CD247: variants seen among roughly 807,000 people sequenced by gnomAD.
The protein encoded by CD247 is CD247 molecule, also known as T-cell surface glycoprotein CD3 zeta chain.
In CD247, 13 loss-of-function variants were observed where a neutral mutation model predicts 30.0. That is an observed-to-expected ratio of 0.43 (90% CI 0.28 to 0.69). CD247 has a LOEUF of 0.69. Among genes scored for constraint, CD247 ranks in the 30% least tolerant of loss-of-function variants. CD247 has a pLI of 0.16. For synonymous variants in CD247, 72 were observed against 80.0 expected, an observed-to-expected ratio of 0.90 and a Z score of 0.53; for missense variants, 193 against 212.6, an observed-to-expected ratio of 0.91 and a Z score of 0.57.
chr1:167,461,619 G>A (rs1653009881), intron 1 of CD247, among the ~76,000 whole-genome samples: 1 of 152,214 alleles, frequency 6.6e-6, no homozygotes, highest in Admixed American at 6.5e-5. Context: ...GGAGGCCCAG[G>A]CGGGCGGATC....
intron 5 of CD247, 156 bp from the exon 6 acceptor site, chr1:167,434,232 T>A (rs1353775921): frequency 2.7e-6 from 2 of 729,112 alleles, no homozygotes; most frequent in Non-Finnish European, 2.5e-6. Context: ...CACACAAACT[T>A]CTCTGCCCAC....
chr1:167,482,154 C>T (rs2102065064), intron 1 of CD247, among the ~76,000 whole-genome samples: 1 of 152,280 alleles, frequency 6.6e-6, no homozygotes, highest in East Asian at 1.9e-4. Context: ...TGAGGATGAC[C>T]ATGAACCCAC....
chr1:167,469,312 C>T (rs1450935599), intron 1 of CD247, among the ~76,000 whole-genome samples: 1 of 152,156 alleles, frequency 6.6e-6, no homozygotes, highest in Admixed American at 6.5e-5. Flanking sequence ...CCATTTAAAT[C>T]GTCCAAATGT....
intron 1 of CD247, among the ~76,000 whole-genome samples, chr1:167,493,758 C>T (rs958253964): frequency 6.6e-6 from 1 of 152,140 alleles, no homozygotes; most frequent in African/African-American, 2.4e-5. Flanking sequence ...TGTCCGAGGC[C>T]CCACAGCTAG....
intron 1 of CD247, among the ~76,000 whole-genome samples, chr1:167,461,835 CAA>C (rs11361450): frequency 3.1e-4 from 46 of 150,646 alleles, no homozygotes; most frequent in Non-Finnish European, 5.6e-4. Flanking sequence ...GCGACAGGCT[CAA>C]AAAAAAAAGG....
chr1:167,438,596 G>C lies in CD247; in HGVS notation c.274C>G (p.Arg92Gly). 2 of 1,613,972 alleles carry C rather than the reference G, an allele frequency of 1.2e-6. No individual in the cohort carries two copies. The highest frequency in any genetic ancestry group is 1.7e-6 in the Non-Finnish European group (2 of 1,179,890). ...EYDVLDKRRG[R>G]DPEMGGKPQR... Reference sequence around the variant, plus strand: ...GGCTTTCCCCCCATCTCAGGGTCCCGGCCACGTCTCTTGTCCAAAACATCG... The same window carrying C: ...GGCTTTCCCCCCATCTCAGGGTCCCCGCCACGTCTCTTGTCCAAAACATCG... Residue 92 changes from arginine (R) to glycine (G), a missense_variant, in exon 4 of 8, where the codon CGG (arginine) becomes GGG (glycine). By Grantham distance (125) the Arg-to-Gly change is moderately radical (BLOSUM62 -2). Coordinates refer to ENST00000362089, the MANE Select transcript of CD247 (RefSeq NM_198053.3).
rs531167854 is a variant in CD247, at chr1:167,494,042, G to C, written c.58+24366C>G. On this transcript the variant is annotated intron_variant, in intron 1 of 7. Coordinates refer to ENST00000362089, the MANE Select transcript of CD247 (RefSeq NM_198053.3). This position sits in a 1 kb window ranked among gnomAD's most constrained non-coding sequence, Gnocchi z 7.3. Reference sequence around the variant, plus strand: ...TTCTCAGGGCTCTGCTGAGTTGGGTGGGGGAGGCTGGAGGCTGCAAAATGA... The same window carrying C: ...TTCTCAGGGCTCTGCTGAGTTGGGTCGGGGAGGCTGGAGGCTGCAAAATGA... Among the ~76,000 whole-genome samples the C allele has an allele frequency of 1.9e-4, 28 of 147,288 alleles. No individual in the cohort carries two copies. The highest frequency in any genetic ancestry group is 7.6e-4 in the African/African-American group (28 of 36,870).
At chr1:167,449,149 C>CTTT (rs71097676) in intron 1 of CD247, among the ~76,000 whole-genome samples, 867 of 66,298 alleles carry the variant, frequency 0.013, 46 homozygotes, top group Non-Finnish European at 0.017. Flanking sequence ...TTTTTCTTTT[C>CTTT]TTTTTTTTTT....
At chr1:167,440,625 G>A (rs753500112) in intron 2 of CD247, 39 bp downstream of exon 2, 10 of 1,390,826 alleles carry the variant, frequency 7.2e-6, no homozygotes, top group African/African-American at 1.4e-5. Context: ...ATCAAGTGGG[G>A]GACCCCGTGC....
chr1:167,506,467 C>A (rs1265133257), intron 1 of CD247, among the ~76,000 whole-genome samples: 1 of 151,870 alleles, frequency 6.6e-6, no homozygotes, highest in East Asian at 1.9e-4. Context: ...CCCACCTCAA[C>A]CTCCCAAATA....
At chr1:167,492,816 C>T (rs970221395) in intron 1 of CD247, among the ~76,000 whole-genome samples, 2 of 152,100 alleles carry the variant, frequency 1.3e-5, no homozygotes, top group Admixed American at 1.3e-4. Context: ...AAGGTGTCAG[C>T]CTGGAGGAAC....
chr1:167,434,333 A>G (rs1002537349), intron 5 of CD247: 1 of 549,798 alleles, frequency 1.8e-6, no homozygotes. Context: ...GGCTCAAGTT[A>G]GGCTCAAAAA....
chr1:167,438,473 G>T, intron 4 of CD247, 97 bp downstream of exon 4: 1 of 947,998 alleles, frequency 1.1e-6, no homozygotes, highest in Non-Finnish European at 1.7e-6. Context: ...TGAGGGTCGA[G>T]TCTGGTTGCA....
intron 1 of CD247, among the ~76,000 whole-genome samples, chr1:167,487,754 G>T (rs193122429): frequency 1.3e-4 from 20 of 152,258 alleles, no homozygotes; most frequent in Admixed American, 1.0e-3. Flanking sequence ...TTCGAGACAG[G>T]GTCTCACTGT....
At chr1:167,441,101 G>A (rs900784090) in intron 1 of CD247, among the ~76,000 whole-genome samples, 8 of 152,180 alleles carry the variant, frequency 5.3e-5, no homozygotes, top group African/African-American at 9.7e-5. Context: ...TGTTAGCCCC[G>A]GTGTGAACCA....
rs1232231725 is a variant in CD247, at chr1:167,434,758, G to C, written c.336+641C>G. The stretch of plus-strand genomic sequence containing the variant: ...CAGCAGCAGGGTTTGGGGAGGGAAG[G>C]GAGATTACTCGGCACTTTTCAGCTA... On this transcript the variant is annotated intron_variant, in intron 5 of 7. Transcript: ENST00000362089. 4 of 454,434 alleles carry C rather than the reference G, an allele frequency of 8.8e-6. No individual in the cohort carries two copies. In the East Asian group the frequency reaches 2.8e-4, roughly 32 times the overall value. 28.2% of individuals were successfully genotyped at this position (454,434 alleles called of 1,614,324 possible). A position where few individuals can be genotyped will look rare whatever the true frequency, so the allele number is the denominator to read the frequency against.
At chr1:167,447,229 C>T (rs921236003) in intron 1 of CD247, among the ~76,000 whole-genome samples, 1 of 152,168 alleles carries the variant, frequency 6.6e-6, no homozygotes, top group Non-Finnish European at 1.5e-5. Flanking sequence ...CAGATAATGA[C>T]GTTGCAGCTC....
intron 1 of CD247, among the ~76,000 whole-genome samples, chr1:167,445,495 A>G (rs1199041484): frequency 6.6e-6 from 1 of 151,998 alleles, no homozygotes; most frequent in Non-Finnish European, 1.5e-5. Flanking sequence ...TTGTGAGTCT[A>G]ATTAGTGACA....
At position 167,430,941 on chromosome 1, in the gene CD247, A is replaced by C. The variant is rs1651233398; in HGVS notation, c.*740T>G. The C allele has an allele frequency of 2.5e-6, 1 of 397,426 alleles. No homozygotes were observed. The allele number at this position is 397,426 out of a possible 1,614,324, so 24.6% of individuals were successfully genotyped here. A position where few individuals can be genotyped will look rare whatever the true frequency, so the allele number is the denominator to read the frequency against. Reference sequence around the variant, plus strand: ...TCTTGCTCCGCAGCACTTTATTCACACTGTGTAACCACATGTTTTTTATGC... The same window carrying C: ...TCTTGCTCCGCAGCACTTTATTCACCCTGTGTAACCACATGTTTTTTATGC... On this transcript the variant is annotated 3_prime_UTR_variant, in exon 8 of 8. Coordinates refer to ENST00000362089, the MANE Select transcript of CD247 (RefSeq NM_198053.3).
Sources: allele counts gnomAD v4.1 joint callset (sites outside exome capture counted in the v4.1 genomes callset), GRCh38; gene constraint gnomAD v4.1.1; non-coding constraint Gnocchi (gnomAD v3.1); transcripts MANE v1.5; gene names NCBI Gene and HGNC (gene_info 2026-07-23, HGNC 2026-07-21).